Variants in PVALEF observed in about 807,000 individuals in gnomAD.
PVALEF encodes the protein parvalbumin like EF-hand containing.
Under a neutral mutation model 1.2 loss-of-function variants are expected in PVALEF, and 2 were observed. That is an observed-to-expected ratio of 1.68 (90% CI 0.69 to 5.28). PVALEF has a LOEUF of 5.28. PVALEF is among the 30% of genes most tolerant of loss of function. PVALEF has a pLI of 0.06. For synonymous variants in PVALEF, 16 were observed against 6.5 expected (o/e 2.47, Z -2.24); for missense variants, 35 against 17.7 (o/e 1.97, Z -1.75).
rs1293840953 is a variant in PVALEF, at chr17:81,170,299, GTGTC to G, written c.-340+3459_-340+3462del. 4.6e-5 allele frequency among the ~76,000 whole-genome samples: 7 copies of G among 151,378 alleles called. 1 individual carries two copies. Among genetic ancestry groups the G allele is most frequent in the South Asian group, 2.1e-4 (1 of 4,780 alleles). On this transcript the variant is annotated intron_variant, in intron 2 of 6. Coordinates refer to ENST00000637878, the MANE Select transcript of PVALEF (RefSeq NM_001354639.2). ...TGTGTCTGTGTGTGTTGGTATATGT[GTGTC>G]TGTGTTGGTATGTAGGGGTGTGTGC... is the stretch of plus-strand genomic sequence containing the variant.
chr17:81,173,939 A>T (rs2061528621), intron 2 of PVALEF, among the ~76,000 whole-genome samples: 1 of 152,238 alleles, frequency 6.6e-6, no homozygotes, highest in African/African-American at 2.4e-5. Context: ...GCATATGGAA[A>T]GGATTATACA....
At chr17:81,166,060 G>A in intron 1 of PVALEF, 5 of 1,161,832 alleles carry the variant, frequency 4.3e-6, no homozygotes, top group African/African-American at 1.7e-5. Flanking sequence ...GCCCCGGCCC[G>A]AGCCGCCGCA....
At chr17:81,182,542 G>A (rs889344223) in intron 6 of PVALEF, among the ~76,000 whole-genome samples, 14 of 152,202 alleles carry the variant, frequency 9.2e-5, no homozygotes, top group African/African-American at 3.4e-4. Context: ...CCTGGCTTGT[G>A]GCGGGGGGGT....
At chr17:81,167,795 G>T (rs1463643666) in intron 2 of PVALEF, among the ~76,000 whole-genome samples, 2 of 152,356 alleles carry the variant, frequency 1.3e-5, no homozygotes, top group East Asian at 3.9e-4. Context: ...GGGCGCTGCC[G>T]CCAGGCTGCC....
chr17:81,181,944 A>G (rs1430000816), intron 5 of PVALEF, 22 bp from the exon 6 acceptor site: 2 of 398,178 alleles, frequency 5.0e-6, no homozygotes, highest in Non-Finnish European at 8.9e-6. Context: ...CTTGGCCCTG[A>G]CTCGAGCCCC....
chr17:81,165,894 C>T, intron 1 of PVALEF, 147 bp downstream of exon 1: 4 of 1,556,604 alleles, frequency 2.6e-6, no homozygotes, highest in Non-Finnish European at 3.5e-6. Context: ...ACGTCCGCAG[C>T]GGAGGGAGGC....
intron 2 of PVALEF, among the ~76,000 whole-genome samples, chr17:81,175,161 C>A (rs999016148): frequency 6.6e-6 from 1 of 152,064 alleles, no homozygotes; most frequent in African/African-American, 2.4e-5. Flanking sequence ...AAGACAAAAA[C>A]AATTCCATGT....
intron 3 of PVALEF, among the ~76,000 whole-genome samples, chr17:81,179,911 T>C (rs75986398): frequency 0.01 from 1,523 of 152,284 alleles, 28 homozygotes; most frequent in African/African-American, 0.035. Context: ...AGAGGCCTTT[T>C]GGCAGGGCCT....
Position 81,165,663 on chromosome 17 carries a change from C to T in PVALEF, c.-592C>T. 6.7e-7 allele frequency: 1 copy of T among 1,501,334 alleles called. No individual in the cohort carries two copies. Among genetic ancestry groups the T allele is most frequent in the Non-Finnish European group, 8.9e-7 (1 of 1,124,810 alleles). The allele number at this position is 1,501,334 out of a possible 1,614,324, so 93.0% of individuals were successfully genotyped here. A position where few individuals can be genotyped will look rare whatever the true frequency, so the allele number is the denominator to read the frequency against. ...CCTGGACACCAGGGGCCCACGCAGG[C>T]CCTCCGTGCCCCAGTTACCTGTGCC... On this transcript the variant is annotated 5_prime_UTR_variant, in exon 1 of 7. Transcript: ENST00000637878.
At chr17:81,182,937 C>T (rs1567838998) in intron 6 of PVALEF, 28 bp from the exon 7 acceptor site, 1 of 398,550 alleles carries the variant, frequency 2.5e-6, no homozygotes, top group Non-Finnish European at 4.4e-6. Flanking sequence ...AACAGGGGTA[C>T]TTACTTTAAA....
intron 1 of PVALEF, chr17:81,166,030 C>T: frequency 6.7e-7 from 1 of 1,500,504 alleles, no homozygotes. Context: ...CGGGAGGGCG[C>T]TGCGCTCAGG....
At chr17:81,172,498 C>T (rs2061523949) in intron 2 of PVALEF, among the ~76,000 whole-genome samples, 1 of 152,218 alleles carries the variant, frequency 6.6e-6, no homozygotes, top group Non-Finnish European at 1.5e-5. Flanking sequence ...GTTGCTGGGG[C>T]CAGGCGTGGC....
At chr17:81,176,821 C>T (rs1598249849) in intron 2 of PVALEF, among the ~76,000 whole-genome samples, 1 of 152,074 alleles carries the variant, frequency 6.6e-6, no homozygotes, top group Admixed American at 6.5e-5. Context: ...ATCTTCATAG[C>T]AGCATTATTC....
rs1407483404 is a variant in PVALEF, at chr17:81,178,972, C to G, written c.-285C>G. On this transcript the variant is annotated 5_prime_UTR_variant, in exon 3 of 7. Transcript: ENST00000637878. ...CAGTCTGCCCAGACCAGTGTGGACA[C>G]ACCAAGTGCCTGCGAGCCCCTGGGA... 2 of 416,936 alleles carry G rather than the reference C, an allele frequency of 4.8e-6. No homozygotes were observed. Among genetic ancestry groups the G allele is most frequent in the Non-Finnish European group, 9.8e-6 (2 of 205,044 alleles). 25.8% of individuals were successfully genotyped at this position (416,936 alleles called of 1,614,324 possible).
chr17:81,165,680 A>G lies in PVALEF; in HGVS notation c.-575A>G. The stretch of plus-strand genomic sequence containing the variant: ...CACGCAGGCCCTCCGTGCCCCAGTT[A>G]CCTGTGCCCTGGAGGCAGCCACGGA... On this transcript the variant is annotated 5_prime_UTR_variant, in exon 1 of 7. Coordinates refer to ENST00000637878, the MANE Select transcript of PVALEF (RefSeq NM_001354639.2). 10 of 1,511,704 alleles carry G rather than the reference A, an allele frequency of 6.6e-6. No homozygotes were observed. Among genetic ancestry groups the G allele is most frequent in the Admixed American group, 2.0e-5 (1 of 50,134 alleles). 93.6% of individuals were successfully genotyped at this position (1,511,704 alleles called of 1,614,324 possible).
chr17:81,182,358 C>T (rs1032860666), intron 6 of PVALEF, among the ~76,000 whole-genome samples: 10 of 152,208 alleles, frequency 6.6e-5, no homozygotes, highest in African/African-American at 2.4e-4. Flanking sequence ...GACCCACGGT[C>T]TTTGAGGCTC....
At chr17:81,170,359 G>T (rs1598247034) in intron 2 of PVALEF, among the ~76,000 whole-genome samples, 1 of 151,630 alleles carries the variant, frequency 6.6e-6, no homozygotes, top group African/African-American at 2.4e-5. Flanking sequence ...GTGCGTGTGT[G>T]TCTGTGCGTG....
chr17:81,166,285 G>T (rs2061490447), intron 1 of PVALEF, among the ~76,000 whole-genome samples: 2 of 118,458 alleles, frequency 1.7e-5, no homozygotes, highest in Non-Finnish European at 3.7e-5. Flanking sequence ...CGCGGCCGGG[G>T]TGGCATGGGG....
At chr17:81,172,824 G>A (rs571592137) in intron 2 of PVALEF, among the ~76,000 whole-genome samples, 2 of 152,096 alleles carry the variant, frequency 1.3e-5, no homozygotes, top group East Asian at 1.9e-4. Context: ...GGCACAACAC[G>A]GAGTCATCTC....
Sources: allele counts gnomAD v4.1 joint callset (sites outside exome capture counted in the v4.1 genomes callset), GRCh38; gene constraint gnomAD v4.1.1; transcripts MANE v1.5; gene names NCBI Gene and HGNC (gene_info 2026-07-23, HGNC 2026-07-21).